PDE4D: variants seen among roughly 807,000 people sequenced by gnomAD.
PDE4D encodes the protein 3',5'-cyclic-AMP phosphodiesterase 4D.
A neutral mutation model predicts 87.4 loss-of-function variants in PDE4D; 24 were observed. The observed-to-expected ratio is 0.27, with a 90% CI of 0.20 to 0.39. The LOEUF (loss-of-function observed/expected upper bound fraction) is 0.39. PDE4D is among the 10% of genes least tolerant of loss of function. The pLI is 1.00. For missense variants in PDE4D, 714 were observed against 1,041.0 expected, an observed-to-expected ratio of 0.69 and a Z score of 4.32; for synonymous variants, 384 against 383.2, an observed-to-expected ratio of 1.00 and a Z score of -0.02.
At chr5:59,274,242 C>T (rs16889512) in intron 1 of PDE4D, among the ~76,000 whole-genome samples, 15,872 of 152,024 alleles carry the variant, frequency 0.1, 858 homozygotes, top group Middle Eastern at 0.17. Context: ...TGGCAAGTAA[C>T]GTTAAGAGAC....
At chr5:59,865,532 C>T (rs1040253799) in intron 1 of PDE4D, among the ~76,000 whole-genome samples, 8 of 152,110 alleles carry the variant, frequency 5.3e-5, no homozygotes, top group Non-Finnish European at 1.0e-4. Context: ...TTCCCCAAAC[C>T]CAGCAACTCA....
chr5:60,305,776 A>G (rs1754444001), intron 1 of PDE4D, among the ~76,000 whole-genome samples: 1 of 151,836 alleles, frequency 6.6e-6, no homozygotes, highest in South Asian at 2.1e-4. Context: ...CCCATAAGAC[A>G]CTACATATTA....
At chr5:60,409,997 G>C (rs1741909477) in intron 1 of PDE4D, among the ~76,000 whole-genome samples, 1 of 152,202 alleles carries the variant, frequency 6.6e-6, no homozygotes, top group African/African-American at 2.4e-5. Context: ...CAGGGCTCTA[G>C]AAAGATATGC....
intron 1 of PDE4D, among the ~76,000 whole-genome samples, chr5:59,834,420 G>T (rs1391656729): frequency 3.3e-5 from 5 of 151,978 alleles, no homozygotes; most frequent in Non-Finnish European, 7.4e-5. Flanking sequence ...AGTTGCATTA[G>T]AATAACCACA....
chr5:60,182,910 C>T (rs1304274387), intron 2 of PDE4D, among the ~76,000 whole-genome samples: 2 of 151,778 alleles, frequency 1.3e-5, no homozygotes, highest in African/African-American at 4.8e-5. Context: ...ATATCAAACT[C>T]TCTTATGGAC....
intron 1 of PDE4D, among the ~76,000 whole-genome samples, chr5:60,476,587 G>A (rs1271059830): frequency 6.6e-6 from 1 of 152,156 alleles, no homozygotes; most frequent in East Asian, 1.9e-4. Flanking sequence ...TGTCTACAAA[G>A]GCCTTGCGTG....
chr5:59,130,151 T>C (rs1041676294), intron 5 of PDE4D, among the ~76,000 whole-genome samples: 3 of 152,206 alleles, frequency 2.0e-5, no homozygotes, highest in Non-Finnish European at 2.9e-5. Flanking sequence ...AAGCCAAATA[T>C]ATGATCATTG....
chr5:60,128,256 T>C (rs1779280119), intron 2 of PDE4D, among the ~76,000 whole-genome samples: 1 of 152,184 alleles, frequency 6.6e-6, no homozygotes, highest in Non-Finnish European at 1.5e-5. Flanking sequence ...ATGTTATAAA[T>C]ATAATATGGA....
intron 1 of PDE4D, among the ~76,000 whole-genome samples, chr5:59,882,863 T>C (rs1749646732): frequency 6.6e-6 from 1 of 151,966 alleles, no homozygotes; most frequent in Non-Finnish European, 1.5e-5. Flanking sequence ...CTGCAATCTC[T>C]GCCTCCCAGG....
chr5:59,225,368 C>T (rs1414777047), intron 1 of PDE4D, among the ~76,000 whole-genome samples: 1 of 152,086 alleles, frequency 6.6e-6, no homozygotes, highest in African/African-American at 2.4e-5. Flanking sequence ...TTATGTCTGT[C>T]TTTATGCCAG....
At chr5:60,439,834 A>C (rs550732040) in intron 1 of PDE4D, among the ~76,000 whole-genome samples, 10 of 151,936 alleles carry the variant, frequency 6.6e-5, no homozygotes, top group Admixed American at 5.9e-4. Flanking sequence ...TCTGTCTTCC[A>C]TCCATCCTGG....
intron 1 of PDE4D, among the ~76,000 whole-genome samples, chr5:60,411,865 C>T (rs1028457670): frequency 6.6e-6 from 1 of 152,032 alleles, no homozygotes; most frequent in Admixed American, 6.6e-5. Flanking sequence ...TAGTTTGTTC[C>T]ACTGCTACTG....
chr5:60,413,038 G>A (rs1333648483), intron 1 of PDE4D, among the ~76,000 whole-genome samples: 1 of 152,186 alleles, frequency 6.6e-6, no homozygotes, highest in African/African-American at 2.4e-5. Context: ...TATAGTTGAA[G>A]TCATGGAATA....
intron 1 of PDE4D, among the ~76,000 whole-genome samples, chr5:59,834,795 A>T (rs1337688706): frequency 1.3e-5 from 2 of 152,068 alleles, no homozygotes; most frequent in African/African-American, 2.4e-5. Flanking sequence ...TAGGTAAATA[A>T]ACCACGTTGA....
At chr5:60,443,206 A>G (rs1745379768) in intron 1 of PDE4D, among the ~76,000 whole-genome samples, 1 of 152,158 alleles carries the variant, frequency 6.6e-6, no homozygotes, top group Non-Finnish European at 1.5e-5. Context: ...AGACTGAGAG[A>G]AGAAACCAGG....
intron 2 of PDE4D, among the ~76,000 whole-genome samples, chr5:60,067,225 A>G (rs1331963697): frequency 6.6e-6 from 1 of 152,052 alleles, no homozygotes; most frequent in Non-Finnish European, 1.5e-5. Context: ...CCTCTCCCCT[A>G]AAGTTTGGCA....
intron 2 of PDE4D, among the ~76,000 whole-genome samples, chr5:60,084,193 G>C (rs1218057809): frequency 6.6e-6 from 1 of 152,172 alleles, no homozygotes; most frequent in Non-Finnish European, 1.5e-5. Flanking sequence ...ACAGCTGTAA[G>C]AGTAAGCATA....
intron 2 of PDE4D, among the ~76,000 whole-genome samples, chr5:60,047,010 G>A (rs958431509): frequency 6.6e-6 from 1 of 152,204 alleles, no homozygotes; most frequent in East Asian, 1.9e-4. Flanking sequence ...ACTCTTTTTG[G>A]TTGGTAAGCT....
intron 1 of PDE4D, among the ~76,000 whole-genome samples, chr5:59,282,004 A>G (rs1163793802): frequency 6.6e-6 from 1 of 152,204 alleles, no homozygotes; most frequent in African/African-American, 2.4e-5. Flanking sequence ...CAAAGTCAAG[A>G]GCAAAAATAT....
Sources: gnomAD v4.1 joint callset for allele counts (sites outside exome capture counted in the v4.1 genomes callset) on GRCh38, gnomAD v4.1.1 for gene constraint, MANE v1.5 for transcripts, NCBI Gene and HGNC (gene_info 2026-07-23, HGNC 2026-07-21) for gene names.